The following MSL3 variants were observed in gnomAD, a reference collection of about 807,000 sequenced individuals.
MSL3 encodes the protein MSL complex subunit 3.
MSL3 carries 5 observed loss-of-function variants against 37.2 expected under a neutral mutation model. That is an observed-to-expected ratio of 0.13 (90% CI 0.07 to 0.28). The LOEUF (loss-of-function observed/expected upper bound fraction) is 0.28, where lower values mean the gene tolerates loss of function less well. Ranked by LOEUF, MSL3 falls within the 10% of genes least tolerant of loss-of-function variation. The probability of loss-of-function intolerance (pLI) is 1.00; values close to 1 mark genes in which losing one functional copy is unlikely to be tolerated. For missense variants in MSL3, 315 were observed against 408.5 expected (o/e 0.77, Z 1.97); for synonymous variants, 149 against 147.6 (o/e 1.01, Z -0.07).
At chrX:11,759,657 A>G (rs962623411) in intron 1 of MSL3, 136 bp from the exon 2 acceptor site, 50 of 1,115,395 alleles carry the variant, frequency 4.5e-5, no homozygotes, top group Admixed American at 6.5e-5. Context: ...GAAAGGAAAA[A>G]TATTTCAACC....
intron 7 of MSL3, among the ~76,000 whole-genome samples, chrX:11,763,480 TA>T (rs763295685): frequency 6.6e-4 from 74 of 112,895 alleles, no homozygotes; most frequent in Admixed American, 1.9e-3. Flanking sequence ...CTTGCAGTGA[TA>T]GGGGTGTGTC....
At chrX:11,760,174 T>C (rs1371701138) in intron 2 of MSL3, 7 of 372,209 alleles carry the variant, frequency 1.9e-5, no homozygotes, top group Non-Finnish European at 3.2e-5. Flanking sequence ...AATAGTTACT[T>C]TTAAGTCGAT....
chrX:11,758,596 G>A, intron 1 of MSL3: 1 of 1,128,276 alleles, frequency 8.9e-7, no homozygotes. Flanking sequence ...GCGCGGTTGG[G>A]AGCCTCGCCC....
chrX:11,769,743 A>C (rs1236993519), intron 10 of MSL3, among the ~76,000 whole-genome samples: 1 of 111,866 alleles, frequency 8.9e-6, no homozygotes, highest in Non-Finnish European at 1.9e-5. Flanking sequence ...AGCTGGAACT[A>C]CAGGCTCATG....
At chrX:11,764,247 T>G (rs1226755305) in intron 8 of MSL3, 1 of 173,726 alleles carries the variant, frequency 5.8e-6, no homozygotes, top group Non-Finnish European at 1.1e-5. Context: ...CCGGGGAGGG[T>G]GGAAGGGGCA....
chrX:11,770,374 G>A (rs1417228665), intron 10 of MSL3, among the ~76,000 whole-genome samples: 1 of 111,936 alleles, frequency 8.9e-6, no homozygotes, highest in African/African-American at 3.3e-5. Flanking sequence ...TTATTGAGGG[G>A]AAATCGTGAA....
At chrX:11,774,418 C>G (rs1039673531) in intron 12 of MSL3, among the ~76,000 whole-genome samples, 1 of 111,613 alleles carries the variant, frequency 9.0e-6, no homozygotes, top group African/African-American at 3.3e-5. Flanking sequence ...CTCCCAGGTT[C>G]ATGCCATTCT....
intron 5 of MSL3, 44 bp from the exon 6 acceptor site, chrX:11,762,086 T>C (rs761949041): frequency 9.5e-7 from 1 of 1,057,662 alleles, no homozygotes; most frequent in Admixed American, 3.4e-5. Context: ...ATATTGACTC[T>C]TCTACTGTTT....
intron 9 of MSL3, 151 bp from the exon 10 acceptor site, chrX:11,768,422 A>G (rs749871300): frequency 2.4e-6 from 1 of 423,556 alleles, no homozygotes; most frequent in Non-Finnish European, 4.1e-6. Flanking sequence ...ACCAAATAAA[A>G]TTCAGGTGCT....
chrX:11,758,415 CCGGGGG>C lies in MSL3; in HGVS notation c.102+66_102+71del, dbSNP rs756596330. The C allele has an allele frequency of 1.2e-5, 12 of 984,514 alleles. No individual in the cohort carries two copies. The East Asian group carries it at 1.3e-4, about 11-fold the overall frequency. The allele number at this position is 984,514 out of a possible 1,213,427, so 81.1% of individuals were successfully genotyped here. ...GAGGCGCGGGCTGGGGGACCCGGGA[CCGGGGG>C]CGGGGGCGGGGGCGGACGGCCGCGC... is the stretch of plus-strand genomic sequence containing the variant. On this transcript the variant is annotated intron_variant, in intron 1 of 12. Coordinates refer to ENST00000312196, the MANE Select transcript of MSL3 (RefSeq NM_078629.4).
chrX:11,758,900 A>G (rs1306955329), intron 1 of MSL3: 11 of 656,044 alleles, frequency 1.7e-5, no homozygotes, highest in Non-Finnish European at 2.5e-5. Context: ...AGGTTGGCCC[A>G]GTGTTTTCGT....
intron 4 of MSL3, 91 bp from the exon 5 acceptor site, chrX:11,761,409 A>G (rs1254987648): frequency 2.1e-6 from 1 of 476,317 alleles, no homozygotes; most frequent in Non-Finnish European, 3.5e-6. Flanking sequence ...TATTATTTCC[A>G]GTAGCACCCA....
In MSL3 at chrX:11,760,445, C is replaced by A; in HGVS notation, c.228C>A (p.Thr76=). 8.3e-7 allele frequency: 1 copy of A among 1,201,688 alleles called. No individual in the cohort carries two copies. Among genetic ancestry groups the A allele is most frequent in the Non-Finnish European group, 1.1e-6 (1 of 891,223 alleles). ...WAAEDHVLRD[T]DENRRLQRKL... is the part of the protein sequence containing the mutation. ...CAGAAGATCATGTGCTTCGTGATAC[C>A]GATGAAAATCGTAGATTACAGCGTA... The change falls in exon 3 of 13, where the codon ACC becomes ACA. Residue 76 remains threonine (T), a synonymous_variant. Coordinates refer to ENST00000312196, the MANE Select transcript of MSL3 (RefSeq NM_078629.4).
At chrX:11,766,729 G>A in intron 9 of MSL3, 1 of 754,786 alleles carries the variant, frequency 1.3e-6, no homozygotes, top group Non-Finnish European at 1.6e-6. Flanking sequence ...ACTGTGTGGA[G>A]GTGGAAACAG....
At chrX:11,761,439 T>C in intron 4 of MSL3, 61 bp from the exon 5 acceptor site, 3 of 734,927 alleles carry the variant, frequency 4.1e-6, no homozygotes, top group Non-Finnish European at 4.1e-6. Flanking sequence ...TGAAGATCTG[T>C]AGACATAAGG....
In MSL3 at chrX:11,761,523, A is replaced by G. The variant is rs2147243741; in HGVS notation, c.406A>G (p.Ser136Gly). 8.3e-7 allele frequency: 1 copy of G among 1,201,087 alleles called. No homozygotes were observed. Among genetic ancestry groups the G allele is most frequent in the Non-Finnish European group, 1.1e-6 (1 of 888,861 alleles). ...ENSLSSSSDC[S>G]ENKDEEISEE... ...AGCATTAAGCAGTTCCTCTGACTGT[A>G]GTGAAAACAAGGATGAAGAAATAAG... is the stretch of plus-strand genomic sequence containing the variant. The change falls in exon 5 of 13, where the codon AGT becomes GGT. Residue 136 changes from serine to glycine, a missense_variant. By Grantham distance (56) the Ser-to-Gly change is moderately conservative. Transcript: ENST00000312196.
At chrX:11,770,429 G>A (rs1051660814) in intron 10 of MSL3, among the ~76,000 whole-genome samples, 2 of 111,987 alleles carry the variant, frequency 1.8e-5, no homozygotes, top group African/African-American at 6.5e-5. Context: ...TTCCCACTCC[G>A]GTCTGCAGTG....
In MSL3 at chrX:11,758,270, G is replaced by A; in HGVS notation, c.7G>A (p.Ala3Thr). ...CCTCCGCCACGATGAGCAAATGAGC[G>A]CGAGCGAGGGCATGAAATTTAAATT... is the stretch of plus-strand genomic sequence containing the variant. MS[A>T]SEGMKFKFHS... Residue 3 changes from alanine (A) to threonine (T), a missense_variant, in exon 1 of 13, where the codon GCG (alanine) becomes ACG (threonine). Coordinates refer to ENST00000312196, the MANE Select transcript of MSL3 (RefSeq NM_078629.4). 1 of 1,060,057 alleles carries A rather than the reference G, an allele frequency of 9.4e-7. No individual in the cohort carries two copies. Among genetic ancestry groups the A allele is most frequent in the Non-Finnish European group, 1.2e-6 (1 of 809,314 alleles). 87.4% of individuals were successfully genotyped at this position (1,060,057 alleles called of 1,213,427 possible). A position where few individuals can be genotyped will look rare whatever the true frequency, so the allele number is the denominator to read the frequency against.
chrX:11,774,658 A>G (rs1183613460), intron 12 of MSL3, among the ~76,000 whole-genome samples: 1 of 111,799 alleles, frequency 8.9e-6, no homozygotes, highest in Non-Finnish European at 1.9e-5. Context: ...AACAACAGAA[A>G]AATGTAGAAA....
Sources: gnomAD v4.1 joint callset for allele counts (sites outside exome capture counted in the v4.1 genomes callset) on GRCh38, gnomAD v4.1.1 for gene constraint, MANE v1.5 for transcripts, NCBI Gene and HGNC (gene_info 2026-07-23, HGNC 2026-07-21) for gene names.